Variants in SYT1 observed in about 807,000 individuals in gnomAD.
The protein encoded by SYT1 is synaptotagmin-1.
SYT1 carries 8 observed loss-of-function variants against 44.8 expected under a neutral mutation model. The ratio of observed to expected loss-of-function variants is 0.18; its 90% confidence interval spans 0.10 to 0.32. The LOEUF is 0.32. SYT1 is among the 10% of genes least tolerant of loss of function. The pLI, the probability that SYT1 is intolerant of heterozygous loss-of-function variation, is 1.00. For missense variants in SYT1, 286 were observed against 509.3 expected (o/e 0.56, Z 4.22); for synonymous variants, 154 against 188.8 (o/e 0.82, Z 1.51).
intron 9 of SYT1, among the ~76,000 whole-genome samples, chr12:79,414,023 A>G (rs147350531): frequency 2.6e-5 from 4 of 152,324 alleles, no homozygotes; most frequent in South Asian, 2.1e-4. Context: ...GTACACCCCA[A>G]TGAAAATTTA....
At chr12:79,136,161 A>G (rs114136974) in intron 3 of SYT1, among the ~76,000 whole-genome samples, 248 of 152,334 alleles carry the variant, frequency 1.6e-3, no homozygotes, top group African/African-American at 5.7e-3. Context: ...ATTATTCTAA[A>G]AATAAATCTA....
At chr12:79,218,632 T>G (rs960502970) in intron 4 of SYT1, among the ~76,000 whole-genome samples, 4 of 152,214 alleles carry the variant, frequency 2.6e-5, no homozygotes, top group Non-Finnish European at 5.9e-5. Flanking sequence ...GTATTATTTA[T>G]GTCCTGTGCC....
intron 2 of SYT1, among the ~76,000 whole-genome samples, chr12:79,026,315 A>G (rs1286941396): frequency 6.6e-6 from 1 of 151,482 alleles, no homozygotes; most frequent in Non-Finnish European, 1.5e-5. Context: ...ATGAAGGAGG[A>G]GTGCATGTCC....
intron 8 of SYT1, among the ~76,000 whole-genome samples, chr12:79,325,054 G>A (rs1302356020): frequency 6.6e-6 from 1 of 152,176 alleles, no homozygotes; most frequent in African/African-American, 2.4e-5. Flanking sequence ...ATCTTTGGTA[G>A]TTGGTGAGTT....
chr12:79,070,178 C>T (rs1876171194), intron 3 of SYT1, among the ~76,000 whole-genome samples: 1 of 152,070 alleles, frequency 6.6e-6, no homozygotes, highest in Non-Finnish European at 1.5e-5. Context: ...GAGTGGCATA[C>T]AAACTGATCA....
At chr12:78,874,965 A>G (rs1873991086) in intron 1 of SYT1, among the ~76,000 whole-genome samples, 3 of 151,634 alleles carry the variant, frequency 2.0e-5, no homozygotes, top group African/African-American at 7.3e-5. Context: ...TTGCAAAGAT[A>G]AGAAGAAAGT....
At position 79,389,929 on chromosome 12, in the gene SYT1, CTT is replaced by C. The variant is rs533704755; in HGVS notation, c.928+36321_928+36322del. On this transcript the variant is annotated intron_variant, in intron 9 of 10. Transcript: ENST00000261205. ...CACTACTTGTTTGTTTCCAATAATTCTTTTTTTTTTTTCTTTTTTTTGAGACG... is the reference window on the plus strand; with the variant it reads ...CACTACTTGTTTGTTTCCAATAATTCTTTTTTTTTTCTTTTTTTTGAGACG... Among the ~76,000 whole-genome samples, 134 of 145,886 alleles carry C rather than the reference CTT, an allele frequency of 9.2e-4. 1 individual carries two copies. Among genetic ancestry groups the C allele is most frequent in the African/African-American group, 3.3e-3 (131 of 39,968 alleles).
chr12:79,344,798 C>G (rs1430345088), intron 8 of SYT1, among the ~76,000 whole-genome samples: 1 of 152,058 alleles, frequency 6.6e-6, no homozygotes, highest in Non-Finnish European at 1.5e-5. Flanking sequence ...CTATTTTCAT[C>G]CTTATTTTGA....
At chr12:78,929,407 CCCAAAAAAAAAAAAAAAAAA>C (rs1280179365) in intron 1 of SYT1, among the ~76,000 whole-genome samples, 1,582 of 14,674 alleles carry the variant, frequency 0.11, 168 homozygotes, top group African/African-American at 0.2. Flanking sequence ...GAGACTCCGT[CCCAAAAAAAAAAAAAAAAAA>C]AAAAAAAAAA....
At chr12:78,955,813 TG>T (rs1879183113) in intron 1 of SYT1, among the ~76,000 whole-genome samples, 1 of 151,104 alleles carries the variant, frequency 6.6e-6, no homozygotes, top group Non-Finnish European at 1.5e-5. Flanking sequence ...TGTGTGTGTG[TG>T]TGTGTGTGTG....
intron 3 of SYT1, among the ~76,000 whole-genome samples, chr12:79,199,031 C>T (rs1377907305): frequency 6.6e-6 from 1 of 152,284 alleles, no homozygotes; most frequent in South Asian, 2.1e-4. Context: ...TATTGATTTT[C>T]AGACTTCCTT....
At chr12:78,929,276 C>T (rs1302234827) in intron 1 of SYT1, among the ~76,000 whole-genome samples, 1 of 151,114 alleles carries the variant, frequency 6.6e-6, no homozygotes, top group Non-Finnish European at 1.5e-5. Context: ...GCAGCACATG[C>T]CTGTAGTCCC....
intron 3 of SYT1, among the ~76,000 whole-genome samples, chr12:79,153,400 GT>G: frequency 6.6e-6 from 1 of 152,142 alleles, no homozygotes; most frequent in Non-Finnish European, 1.5e-5. Flanking sequence ...ACTCTGTTCT[GT>G]TTCACTACCT....
Position 79,066,003 on chromosome 12 carries a change from A to C in SYT1, c.-18+18641A>C, listed in dbSNP as rs565733828. Among the ~76,000 whole-genome samples, 3 of 152,218 alleles carry C rather than the reference A, an allele frequency of 2.0e-5. No individual in the cohort carries two copies. In the East Asian group the frequency reaches 5.8e-4, roughly 29 times the overall value. On this transcript the variant is annotated intron_variant, in intron 3 of 10. Transcript: ENST00000261205. ...ATGGGAAAAAGATATAAATGAATTG[A>C]ATTATGAGTCAGACAGAAAAGACCA...
At chr12:78,872,249 C>A (rs532910482) in intron 1 of SYT1, among the ~76,000 whole-genome samples, 1 of 151,706 alleles carries the variant, frequency 6.6e-6, no homozygotes, top group African/African-American at 2.4e-5. Flanking sequence ...AAGTTTCCAA[C>A]GACTTGTTTT....
chr12:78,867,880 T>A (rs1480012306), intron 1 of SYT1, among the ~76,000 whole-genome samples: 1 of 151,976 alleles, frequency 6.6e-6, no homozygotes, highest in East Asian at 1.9e-4. Flanking sequence ...ATGCTTGTAT[T>A]AATTATATGC....
chr12:78,911,081 A>AT (rs1434290003), intron 1 of SYT1, among the ~76,000 whole-genome samples: 2 of 152,012 alleles, frequency 1.3e-5, no homozygotes, highest in Non-Finnish European at 2.9e-5. Flanking sequence ...ATCAGATTTG[A>AT]TTTTTAAATT....
At chr12:79,336,683 A>G (rs1333236435) in intron 8 of SYT1, among the ~76,000 whole-genome samples, 1 of 152,154 alleles carries the variant, frequency 6.6e-6, no homozygotes, top group East Asian at 1.9e-4. Flanking sequence ...GCTGGAGTGC[A>G]GTGGCAATCA....
chr12:79,026,700 T>A (rs200169517), intron 2 of SYT1, among the ~76,000 whole-genome samples: 121 of 116,758 alleles, frequency 1.0e-3, no homozygotes, highest in East Asian at 4.8e-3. Flanking sequence ...TATATATATA[T>A]ATCACACTTT....
Sources: gnomAD v4.1 joint callset for allele counts (sites outside exome capture counted in the v4.1 genomes callset) on GRCh38, gnomAD v4.1.1 for gene constraint, MANE v1.5 for transcripts, NCBI Gene and HGNC (gene_info 2026-07-23, HGNC 2026-07-21) for gene names.